Variants in PGR observed in about 807,000 individuals in gnomAD.
The protein encoded by PGR is nuclear receptor subfamily 3 group C member 3.
PGR carries 25 observed loss-of-function variants against 76.1 expected under a neutral mutation model. The ratio of observed to expected loss-of-function variants is 0.33; its 90% confidence interval spans 0.24 to 0.46. The LOEUF is 0.46. PGR is among the 20% of genes least tolerant of loss of function. The probability of loss-of-function intolerance (pLI) is 1.00; values close to 1 mark genes in which losing one functional copy is unlikely to be tolerated. For synonymous variants in PGR, 579 were observed against 535.0 expected (o/e 1.08, Z -1.14); for missense variants, 1,172 against 1,225.3 (o/e 0.96, Z 0.65).
chr11:101,098,994 G>A (rs148354226), intron 2 of PGR, among the ~76,000 whole-genome samples: 1 of 152,320 alleles, frequency 6.6e-6, no homozygotes, highest in East Asian at 1.9e-4. Context: ...ATAGGAACCT[G>A]GGCCAAGGAA....
intron 4 of PGR, among the ~76,000 whole-genome samples, chr11:101,057,887 G>A (rs1010787420): frequency 1.3e-5 from 2 of 152,150 alleles, no homozygotes; most frequent in African/African-American, 4.8e-5. Context: ...TAGTTTTGTA[G>A]AGGGTCTGGC....
intron 2 of PGR, among the ~76,000 whole-genome samples, chr11:101,115,396 C>G (rs866525324): frequency 2.5e-4 from 38 of 152,194 alleles, no homozygotes; most frequent in Middle Eastern, 3.4e-3. Context: ...TGAACGAAAA[C>G]TATATGAAGT....
chr11:101,127,233 CT>C, intron 1 of PGR, 200 bp downstream of exon 1: 1 of 408,926 alleles, frequency 2.4e-6, no homozygotes, highest in Non-Finnish European at 4.3e-6. Flanking sequence ...CTGCGCCCAC[CT>C]TCGTGTCCCC....
At position 101,037,594 on chromosome 11, in the gene PGR, T is replaced by TA; in HGVS notation, c.*1521dup. The TA allele has an allele frequency of 4.4e-6, 1 of 227,838 alleles. No individual in the cohort carries two copies. Among genetic ancestry groups the TA allele is most frequent in the African/African-American group, 2.2e-5 (1 of 45,170 alleles). The allele number at this position is 227,838 out of a possible 1,614,324, so 14.1% of individuals were successfully genotyped here. ...GTTTAAAAACTTAGAACAAGGAATC[T>TA]AAAGTATTGTCCTTAAGACACATAA... On this transcript the variant is annotated 3_prime_UTR_variant, in exon 8 of 8. Transcript: ENST00000325455.
chr11:101,116,816 T>C (rs963086277), intron 2 of PGR, among the ~76,000 whole-genome samples: 1 of 151,566 alleles, frequency 6.6e-6, no homozygotes, highest in Non-Finnish European at 1.5e-5. Context: ...AGTAAGCACT[T>C]AGTTATTTTC....
intron 3 of PGR, among the ~76,000 whole-genome samples, chr11:101,078,625 A>G (rs952530019): frequency 2.0e-5 from 3 of 152,302 alleles, no homozygotes; most frequent in Admixed American, 2.0e-4. Flanking sequence ...TGACCTGTTC[A>G]AGGTAGGGAA....
intron 3 of PGR, among the ~76,000 whole-genome samples, chr11:101,084,599 A>G (rs961319390): frequency 3.3e-4 from 49 of 148,860 alleles, no homozygotes; most frequent in Non-Finnish European, 4.5e-5. Flanking sequence ...TGGAGGTTGC[A>G]GTGAGCTGAG....
intron 2 of PGR, among the ~76,000 whole-genome samples, chr11:101,124,334 T>A (rs1290715445): frequency 6.6e-6 from 1 of 152,176 alleles, no homozygotes; most frequent in Non-Finnish European, 1.5e-5. Flanking sequence ...GTTCTATATA[T>A]GCACTTTATG....
chr11:101,116,085 C>T (rs555109443), intron 2 of PGR, among the ~76,000 whole-genome samples: 3 of 152,310 alleles, frequency 2.0e-5, no homozygotes, highest in Admixed American at 6.5e-5. Flanking sequence ...AACAAATTCA[C>T]GTCAGGTTAG....
intron 2 of PGR, among the ~76,000 whole-genome samples, chr11:101,100,760 G>T (rs1861972549): frequency 6.6e-6 from 1 of 152,064 alleles, no homozygotes; most frequent in African/African-American, 2.4e-5. Flanking sequence ...AATATCTGGA[G>T]ACAATTTTGG....
chr11:101,041,699 T>G (rs935162118), intron 7 of PGR: 5 of 460,192 alleles, frequency 1.1e-5, no homozygotes, highest in African/African-American at 9.8e-5. Flanking sequence ...AAATGTACCA[T>G]AATTTCTATC....
intron 3 of PGR, among the ~76,000 whole-genome samples, chr11:101,066,422 T>C (rs571347429): frequency 1.3e-5 from 2 of 152,286 alleles, no homozygotes; most frequent in South Asian, 4.1e-4. Flanking sequence ...AACTTCTAAA[T>C]CTTTGAGTAC....
chr11:101,080,291 C>T (rs1861260136), intron 3 of PGR, among the ~76,000 whole-genome samples: 1 of 151,982 alleles, frequency 6.6e-6, no homozygotes, highest in Non-Finnish European at 1.5e-5. Flanking sequence ...GCCTATGGGC[C>T]TGTGGGATGA....
At chr11:101,115,724 G>A (rs947414897) in intron 2 of PGR, among the ~76,000 whole-genome samples, 1 of 152,034 alleles carries the variant, frequency 6.6e-6, no homozygotes, top group Non-Finnish European at 1.5e-5. Context: ...AGCTGAGATT[G>A]TGCCACTGCA....
intron 2 of PGR, among the ~76,000 whole-genome samples, chr11:101,093,434 G>T (rs772642642): frequency 2.0e-5 from 3 of 152,036 alleles, no homozygotes; most frequent in Non-Finnish European, 4.4e-5. Context: ...TATCTCACAA[G>T]AAGAGAGAAC....
intron 2 of PGR, among the ~76,000 whole-genome samples, chr11:101,120,078 A>G (rs1862629421): frequency 6.6e-6 from 1 of 152,240 alleles, no homozygotes; most frequent in South Asian, 2.1e-4. Flanking sequence ...CAACATCAAG[A>G]TATGTTAGCA....
intron 3 of PGR, 188 bp from the exon 4 acceptor site, chr11:101,062,940 T>TA (rs1244330622): frequency 3.7e-5 from 18 of 490,318 alleles, no homozygotes; most frequent in Admixed American, 1.8e-4. Context: ...AACTCTTGAT[T>TA]AAAAAAAATT....
chr11:101,080,715 T>C (rs941976048), intron 3 of PGR, among the ~76,000 whole-genome samples: 1 of 151,886 alleles, frequency 6.6e-6, no homozygotes, highest in Non-Finnish European at 1.5e-5. Context: ...AAAGACAAGG[T>C]TGAAAACCAA....
At chr11:101,081,428 C>CAA (rs35694297) in intron 3 of PGR, among the ~76,000 whole-genome samples, 5 of 138,550 alleles carry the variant, frequency 3.6e-5, no homozygotes, top group African/African-American at 1.3e-4. Context: ...GGCTCCATCT[C>CAA]AAAAAAAAAA....
Sources: allele counts gnomAD v4.1 joint callset (sites outside exome capture counted in the v4.1 genomes callset), GRCh38; gene constraint gnomAD v4.1.1; transcripts MANE v1.5; gene names NCBI Gene and HGNC (gene_info 2026-07-23, HGNC 2026-07-21).